Variants in TNKS observed in about 807,000 individuals in gnomAD.
TNKS encodes the protein tankyrase, also known as poly [ADP-ribose] polymerase tankyrase-1.
Under a neutral mutation model 135.8 loss-of-function variants are expected in TNKS, and 72 were observed. That is an observed-to-expected ratio of 0.53 (90% CI 0.44 to 0.64). TNKS has a LOEUF of 0.64. TNKS is among the 30% of genes least tolerant of loss of function. TNKS has a pLI of 0.00. For synonymous variants in TNKS, 849 were observed against 649.3 expected, an observed-to-expected ratio of 1.31 and a Z score of -4.68; for missense variants, 1,769 against 1,674.0, an observed-to-expected ratio of 1.06 and a Z score of -0.99.
At position 9,650,508 on chromosome 8, in the gene TNKS, A is replaced by G. The variant is rs193139245; in HGVS notation, c.995-29443A>G. Among the ~76,000 whole-genome samples the G allele has an allele frequency of 1.9e-4, 29 of 152,244 alleles. No individual in the cohort carries two copies. The East Asian group carries it at 5.4e-3, about 28-fold the overall frequency. On this transcript the variant is annotated intron_variant, in intron 3 of 26. Transcript: ENST00000310430. ...ATTTTTTTATTTCTTAATTATGGCC[A>G]TACTTGCAGAAGTAAGATGGTATCT...
intron 2 of TNKS, among the ~76,000 whole-genome samples, chr8:9,583,189 A>G (rs1395483774): frequency 6.7e-6 from 1 of 149,230 alleles, no homozygotes; most frequent in Admixed American, 6.7e-5. Flanking sequence ...AAAAAAGTCC[A>G]TTTAGAAATC....
intron 2 of TNKS, among the ~76,000 whole-genome samples, chr8:9,584,164 TAAAAA>T (rs34977301): frequency 1.7e-5 from 2 of 114,442 alleles, no homozygotes; most frequent in Non-Finnish European, 3.6e-5. Context: ...ACTCTGTCTT[TAAAAA>T]AAAAAAAAAA....
intron 3 of TNKS, chr8:9,658,434 G>A (rs988866299): frequency 1.0e-4 from 123 of 1,220,474 alleles, no homozygotes; most frequent in Middle Eastern, 2.8e-4. Context: ...GGGCGGCGGC[G>A]GCTGCCAAGA....
intron 2 of TNKS, among the ~76,000 whole-genome samples, chr8:9,603,470 C>G (rs964313325): frequency 1.3e-5 from 2 of 152,224 alleles, no homozygotes; most frequent in African/African-American, 4.8e-5. Flanking sequence ...CAGCATAACT[C>G]TAGAACACTG....
chr8:9,675,338 G>C (rs1802488850), intron 3 of TNKS, among the ~76,000 whole-genome samples: 1 of 152,272 alleles, frequency 6.6e-6, no homozygotes. Context: ...CTATATCAGT[G>C]TTATCAATTC....
At chr8:9,649,941 G>A (rs1801081728) in intron 3 of TNKS, among the ~76,000 whole-genome samples, 1 of 138,780 alleles carries the variant, frequency 7.2e-6, no homozygotes, top group Non-Finnish European at 1.5e-5. Context: ...CCAGGCTGGA[G>A]TGCAGTGGCA....
At chr8:9,585,818 G>A (rs1458208070) in intron 2 of TNKS, among the ~76,000 whole-genome samples, 1 of 151,992 alleles carries the variant, frequency 6.6e-6, no homozygotes, top group African/African-American at 2.4e-5. Context: ...ATCTTTCTTG[G>A]GAGCGCAAAA....
At chr8:9,578,283 G>A (rs1379611089) in intron 1 of TNKS, among the ~76,000 whole-genome samples, 2 of 152,172 alleles carry the variant, frequency 1.3e-5, no homozygotes, top group Non-Finnish European at 2.9e-5. Context: ...GGAAGAGTAG[G>A]GCATTGATGG....
At chr8:9,747,279 A>G (rs952790876) in intron 17 of TNKS, among the ~76,000 whole-genome samples, 4 of 131,564 alleles carry the variant, frequency 3.0e-5, no homozygotes, top group African/African-American at 1.1e-4. Context: ...AAAAAAATGT[A>G]GTCATCTTTG....
chr8:9,745,131 GTTAAC>G (rs916233331), intron 17 of TNKS, among the ~76,000 whole-genome samples: 1 of 152,076 alleles, frequency 6.6e-6, no homozygotes, highest in Non-Finnish European at 1.5e-5. Context: ...GTGCTTTTGG[GTTAAC>G]TTAACAAAAA....
chr8:9,564,274 C>A (rs1364416787), intron 1 of TNKS, among the ~76,000 whole-genome samples: 1 of 152,162 alleles, frequency 6.6e-6, no homozygotes, highest in Admixed American at 6.5e-5. Context: ...GGTGTTCTTT[C>A]CTGACGGGAA....
At chr8:9,619,682 T>C (rs1799789973) in intron 3 of TNKS, among the ~76,000 whole-genome samples, 1 of 152,176 alleles carries the variant, frequency 6.6e-6, no homozygotes, top group Admixed American at 6.5e-5. Flanking sequence ...CCAGTCTCTC[T>C]ATAAGGAATC....
intron 5 of TNKS, among the ~76,000 whole-genome samples, chr8:9,682,322 C>T (rs775982683): frequency 2.0e-5 from 3 of 152,100 alleles, no homozygotes; most frequent in Non-Finnish European, 2.9e-5. Flanking sequence ...GTCACAGCCT[C>T]GTTTTCCCTT....
intron 5 of TNKS, among the ~76,000 whole-genome samples, chr8:9,696,486 A>G (rs1407030693): frequency 6.6e-6 from 1 of 151,920 alleles, no homozygotes; most frequent in Admixed American, 6.6e-5. Flanking sequence ...CTGGATAGGG[A>G]AAAAAAACAA....
intron 20 of TNKS, among the ~76,000 whole-genome samples, chr8:9,759,636 G>A (rs1807035617): frequency 6.6e-6 from 1 of 152,130 alleles, no homozygotes; most frequent in Non-Finnish European, 1.5e-5. Context: ...TTGCTGGCCT[G>A]GTGTCTGCTT....
At chr8:9,601,884 C>T (rs1799029874) in intron 2 of TNKS, among the ~76,000 whole-genome samples, 1 of 152,060 alleles carries the variant, frequency 6.6e-6, no homozygotes, top group African/African-American at 2.4e-5. Flanking sequence ...ATAAATCTTT[C>T]TTCAAATGAA....
intron 11 of TNKS, among the ~76,000 whole-genome samples, chr8:9,714,201 C>G (rs1804478553): frequency 6.6e-6 from 1 of 152,116 alleles, no homozygotes; most frequent in Non-Finnish European, 1.5e-5. Context: ...TAAATGTACG[C>G]CATATATAAC....
intron 1 of TNKS, among the ~76,000 whole-genome samples, chr8:9,561,877 T>G (rs1472360453): frequency 6.6e-6 from 1 of 152,136 alleles, no homozygotes. Context: ...CGTATAATGG[T>G]GCGATCTTGG....
chr8:9,653,000 T>C (rs1801201204), intron 3 of TNKS, among the ~76,000 whole-genome samples: 2 of 152,190 alleles, frequency 1.3e-5, no homozygotes, highest in Non-Finnish European at 2.9e-5. Context: ...AGTGATTCCC[T>C]AGCCAGGCAC....
Sources: gnomAD v4.1 joint callset for allele counts (sites outside exome capture counted in the v4.1 genomes callset) on GRCh38, gnomAD v4.1.1 for gene constraint, MANE v1.5 for transcripts, NCBI Gene and HGNC (gene_info 2026-07-23, HGNC 2026-07-21) for gene names.